The following CD4 variants were observed in gnomAD, a reference collection of about 807,000 sequenced individuals.
CD4 encodes T-cell surface glycoprotein CD4.
A neutral mutation model predicts 50.5 loss-of-function variants in CD4; 25 were observed. The ratio of observed to expected loss-of-function variants is 0.49; its 90% CI spans 0.36 to 0.69. The LOEUF (loss-of-function observed/expected upper bound fraction) is 0.69. Among genes scored for constraint, CD4 ranks in the 30% least tolerant of loss-of-function variants. The pLI, the probability that CD4 is intolerant of heterozygous loss-of-function variation, is 0.00. For missense variants in CD4, 456 were observed against 548.5 expected, an observed-to-expected ratio of 0.83 and a Z score of 1.68; for synonymous variants, 207 against 221.9, an observed-to-expected ratio of 0.93 and a Z score of 0.60.
intron 3 of CD4, among the ~76,000 whole-genome samples, chr12:6,810,135 CT>C (rs1555116794): frequency 6.6e-6 from 1 of 152,184 alleles, no homozygotes; most frequent in Non-Finnish European, 1.5e-5. Context: ...GGTGATCCAC[CT>C]GCCTCGGCCT....
At position 6,798,230 on chromosome 12, in the gene CD4, C is replaced by T. The variant is rs558455826; in HGVS notation, c.-67-1842C>T. ...TGTCGCCCAGGCTGGAGTGCAGTGG[C>T]GCGATCTCGGCTCACTGCCACCTCT... On this transcript the variant is annotated intron_variant, in intron 1 of 9. Coordinates refer to ENST00000011653, the MANE Select transcript of CD4 (RefSeq NM_000616.5). Among the ~76,000 whole-genome samples, 552 of 134,928 alleles carry T rather than the reference C, an allele frequency of 4.1e-3. 73 individuals carry two copies. The highest frequency in any genetic ancestry group is 0.017 in the East Asian group (86 of 5,120). 88.5% of individuals were successfully genotyped at this position (134,928 alleles called of 152,430 possible). A position where few individuals can be genotyped will look rare whatever the true frequency, so the allele number is the denominator to read the frequency against.
At chr12:6,790,899 G>A (rs984165959) in intron 1 of CD4, among the ~76,000 whole-genome samples, 2 of 152,186 alleles carry the variant, frequency 1.3e-5, no homozygotes, top group African/African-American at 4.8e-5. Context: ...CATTTTTATC[G>A]GGGCAAGGCT....
chr12:6,803,658 A>C (rs1555115719), intron 3 of CD4, among the ~76,000 whole-genome samples: 1 of 150,616 alleles, frequency 6.6e-6, no homozygotes, highest in Non-Finnish European at 1.5e-5. Flanking sequence ...GGTGGCGGGC[A>C]CTTGTAATCC....
At chr12:6,796,638 C>G (rs985441252) in intron 1 of CD4, among the ~76,000 whole-genome samples, 1 of 152,236 alleles carries the variant, frequency 6.6e-6, no homozygotes, top group African/African-American at 2.4e-5. Context: ...CATGCCACAT[C>G]TTTACCAAAA....
In CD4 at chr12:6,798,099, A is replaced by G. The variant is rs567041918; in HGVS notation, c.-67-1973A>G. On this transcript the variant is annotated intron_variant, in intron 1 of 9. Transcript: ENST00000011653. ...GGGTTCCTGCGGCCTTCCACAGTGT[A>G]TTGTGTCTCTGGTTAATAGAGAACG... Among the ~76,000 whole-genome samples the G allele has an allele frequency of 2.0e-5, 3 of 151,470 alleles. No individual in the cohort carries two copies. The South Asian group carries it at 6.3e-4, about 32-fold the overall frequency.
rs1414631206 is a variant in CD4, at chr12:6,818,072, T to G, written c.1157-349T>G. Among the ~76,000 whole-genome samples the G allele has an allele frequency of 7.3e-6, 1 of 136,956 alleles. No homozygotes were observed. The highest frequency in any genetic ancestry group is 2.4e-4 in the East Asian group (1 of 4,220). The allele number at this position is 136,956 out of a possible 152,430, so 89.8% of individuals were successfully genotyped here. On this transcript the variant is annotated intron_variant, in intron 7 of 9. Transcript: ENST00000011653. The surrounding 1 kb of genome is among the most constrained non-coding windows in gnomAD (Gnocchi z 5.0). ...CACACATGCACACACGCACACACATTCACACATGGACTCACACGCGCACAC... is the reference window on the plus strand; with the variant it reads ...CACACATGCACACACGCACACACATGCACACATGGACTCACACGCGCACAC...
rs1555115066 is a variant in CD4 at position 6,800,401 on chromosome 12, C to T, written c.144C>T (p.Ser48=). 2 of 1,613,786 alleles carry T rather than the reference C, an allele frequency of 1.2e-6. No homozygotes were observed. Among genetic ancestry groups the T allele is most frequent in the Non-Finnish European group, 1.7e-6 (2 of 1,179,816 alleles). Reference sequence around the variant, plus strand: ...CCTGTACAGCTTCCCAGAAGAAGAGCATACAATTCCACTGGAAAAACTCCA... The same window carrying T: ...CCTGTACAGCTTCCCAGAAGAAGAGTATACAATTCCACTGGAAAAACTCCA... The part of the protein sequence containing the change: ...ELTCTASQKK[S]IQFHWKNSNQ... Residue 48 remains serine (S), a synonymous_variant, in exon 3 of 10, where the codon AGC becomes AGT. Coordinates refer to ENST00000011653, the MANE Select transcript of CD4 (RefSeq NM_000616.5).
At chr12:6,814,379 GC>G in intron 4 of CD4, 79 bp downstream of exon 4, 1 of 1,471,624 alleles carries the variant, frequency 6.8e-7, no homozygotes, top group Non-Finnish European at 9.2e-7. Flanking sequence ...ACCAAATCCA[GC>G]CTGAGCTGGT....
chr12:6,795,745 C>T (rs1201662469), intron 1 of CD4, among the ~76,000 whole-genome samples: 1 of 152,218 alleles, frequency 6.6e-6, no homozygotes, highest in African/African-American at 2.4e-5. Context: ...CAGCTATTGA[C>T]AGAAAATATG....
chr12:6,794,006 C>CT lies in CD4; in HGVS notation c.-68+4344_-68+4345insT, dbSNP rs77524161. Among the ~76,000 whole-genome samples, 22 of 92,706 alleles carry CT rather than the reference C, an allele frequency of 2.4e-4. No individual in the cohort carries two copies. In the East Asian group the frequency reaches 3.1e-3, roughly 13 times the overall value. 60.8% of individuals were successfully genotyped at this position (92,706 alleles called of 152,430 possible). On this transcript the variant is annotated intron_variant, in intron 1 of 9. Transcript: ENST00000011653. ...TCTATCTATCTATCTATCTATCTAT[C>CT]ACCTATCTATCTAATCTATCTATAT...
At chr12:6,815,102 G>A in intron 5 of CD4, 110 bp downstream of exon 5, 2 of 763,430 alleles carry the variant, frequency 2.6e-6, no homozygotes, top group Non-Finnish European at 4.4e-6. Flanking sequence ...GGTCAGGAGT[G>A]GAGAAGACTA....
chr12:6,811,491 CTTTTTT>C (rs11318741), intron 3 of CD4, among the ~76,000 whole-genome samples: 5 of 111,024 alleles, frequency 4.5e-5, no homozygotes, highest in Non-Finnish European at 8.6e-5. Flanking sequence ...TTTTCTTTTT[CTTTTTT>C]TTTTTTTTTT....
rs1311214188 is a variant in CD4, at chr12:6,797,909, A to T, written c.-67-2163A>T. On this transcript the variant is annotated intron_variant, in intron 1 of 9. Transcript: ENST00000011653. ...AGCAGGAGACAGATGCCTTCCTCTT[A>T]TCTCAACCGAATAGAGGCCTTCCTC... Among the ~76,000 whole-genome samples the T allele has an allele frequency of 2.0e-5, 3 of 152,064 alleles. No individual in the cohort carries two copies. In the East Asian group the frequency reaches 5.8e-4, roughly 29 times the overall value.
intron 3 of CD4, among the ~76,000 whole-genome samples, chr12:6,807,835 C>T (rs904456513): frequency 1.3e-5 from 2 of 152,012 alleles, no homozygotes; most frequent in East Asian, 1.9e-4. Flanking sequence ...AATCTCAGCT[C>T]TTTGGGAGGC....
intron 3 of CD4, among the ~76,000 whole-genome samples, chr12:6,807,624 T>C (rs1247307349): frequency 6.6e-6 from 1 of 151,932 alleles, no homozygotes; most frequent in Non-Finnish European, 1.5e-5. Context: ...GCGCCGGAAA[T>C]GTTCTGTATT....
At chr12:6,794,792 T>TTTTG (rs1942318260) in intron 1 of CD4, among the ~76,000 whole-genome samples, 1 of 139,864 alleles carries the variant, frequency 7.1e-6, no homozygotes, top group African/African-American at 2.6e-5. Context: ...TTTTGTTTTT[T>TTTTG]TTTTTTTTTT....
intron 1 of CD4, among the ~76,000 whole-genome samples, chr12:6,794,786 G>GTTTTTTTTTTT (rs1220016459): frequency 2.3e-4 from 24 of 105,396 alleles, no homozygotes; most frequent in Non-Finnish European, 3.8e-4. Context: ...TTTTTTTTTT[G>GTTTTTTTTTTT]TTTTTTTTTT....
chr12:6,800,242 G>A (rs1942501432), intron 2 of CD4, 55 bp downstream of exon 2: 3 of 1,612,570 alleles, frequency 1.9e-6, no homozygotes, highest in African/African-American at 1.3e-5. Flanking sequence ...AAAGGCAAAG[G>A]TGGAGGATGG....
chr12:6,801,571 AT>A (rs1220009697), intron 3 of CD4, among the ~76,000 whole-genome samples: 1 of 147,888 alleles, frequency 6.8e-6, no homozygotes, highest in Non-Finnish European at 1.5e-5. Context: ...TTATTTATTT[AT>A]TTTTTTGAGA....
Sources: gnomAD v4.1 joint callset for allele counts (sites outside exome capture counted in the v4.1 genomes callset) on GRCh38, gnomAD v4.1.1 for gene constraint, Gnocchi (gnomAD v3.1) non-coding constraint, MANE v1.5 for transcripts, NCBI Gene and HGNC (gene_info 2026-07-23, HGNC 2026-07-21) for gene names.